Variants in SLC9A4 observed in about 807,000 individuals in gnomAD.
The protein encoded by SLC9A4 is solute carrier family 9 member A4, also known as sodium/hydrogen exchanger 4.
In SLC9A4, 63 loss-of-function variants were observed where a neutral mutation model predicts 67.4. The ratio of observed to expected loss-of-function variants is 0.93; its 90% CI spans 0.76 to 1.15. The LOEUF is 1.15. SLC9A4 is among the 50% of genes most tolerant of loss of function. The pLI, the probability that SLC9A4 is intolerant of heterozygous loss-of-function variation, is 0.00. For synonymous variants in SLC9A4, 393 were observed against 367.2 expected (o/e 1.07, Z -0.80); for missense variants, 1,089 against 987.7 (o/e 1.10, Z -1.38).
chr2:102,497,624 T>C (rs1030117964), intron 2 of SLC9A4, among the ~76,000 whole-genome samples: 1 of 152,196 alleles, frequency 6.6e-6, no homozygotes, highest in African/African-American at 2.4e-5. Flanking sequence ...AAAATGCAAA[T>C]TAATCTATTG....
At chr2:102,497,338 C>A (rs751560920) in intron 2 of SLC9A4, among the ~76,000 whole-genome samples, 7 of 152,108 alleles carry the variant, frequency 4.6e-5, no homozygotes, top group African/African-American at 1.4e-4. Context: ...AGAGAAATGA[C>A]AACATAGGTC....
intron 2 of SLC9A4, among the ~76,000 whole-genome samples, chr2:102,484,504 C>T (rs944690552): frequency 5.9e-5 from 9 of 152,190 alleles, no homozygotes; most frequent in African/African-American, 1.7e-4. Context: ...CAGCTCTTAG[C>T]AGAGTGAATG....
Position 102,533,490 on chromosome 2 carries a change from T to C in SLC9A4, c.*802T>C, listed in dbSNP as rs981557691. ...GGGTATAAAACTATTTTTCTTTTAT[T>C]ATTATTATTATTATTATTATACTTT... On this transcript the variant is annotated 3_prime_UTR_variant, in exon 12 of 12. Coordinates refer to ENST00000295269, the MANE Select transcript of SLC9A4 (RefSeq NM_001011552.4). 73 of 148,834 alleles carry C rather than the reference T, an allele frequency of 4.9e-4. 1 individual carries two copies. The highest frequency in any genetic ancestry group is 1.8e-3 in the African/African-American group (69 of 38,636). The allele number at this position is 148,834 out of a possible 1,614,324, so 9.2% of individuals were successfully genotyped here.
At chr2:102,514,983 A>G (rs1214382085) in intron 8 of SLC9A4, among the ~76,000 whole-genome samples, 1 of 152,274 alleles carries the variant, frequency 6.6e-6, no homozygotes, top group African/African-American at 2.4e-5. Context: ...AGCTGGCTAA[A>G]TACTTCTTAA....
In SLC9A4 at chr2:102,532,376, A is replaced by G. The variant is rs775336512; in HGVS notation, c.2085A>G (p.Ala695=). The G allele has an allele frequency of 2.5e-6, 4 of 1,614,190 alleles. No individual in the cohort carries two copies. The East Asian group carries it at 6.7e-5, about 27-fold the overall frequency. Residue 695 remains alanine (A), a synonymous_variant, in exon 12 of 12, where the codon GCA becomes GCG. Coordinates refer to ENST00000295269, the MANE Select transcript of SLC9A4 (RefSeq NM_001011552.4). ...GATCCCCATCCATCACGTTCAGCGC[A>G]TGCTCTCGGATAGGGTCACTTCAGA... ...DPGSPSITFS[A]CSRIGSLQKQ...
At chr2:102,479,850 G>T (rs184063012) in intron 2 of SLC9A4, among the ~76,000 whole-genome samples, 2 of 152,112 alleles carry the variant, frequency 1.3e-5, no homozygotes, top group African/African-American at 4.8e-5. Flanking sequence ...TGAATGAGGC[G>T]TTTTTGCTTA....
chr2:102,526,440 A>T, intron 11 of SLC9A4, 94 bp downstream of exon 11: 1 of 1,116,936 alleles, frequency 9.0e-7, no homozygotes, highest in East Asian at 2.5e-5. Context: ...TAAGAACATT[A>T]TGTAGGTTAC....
intron 11 of SLC9A4, among the ~76,000 whole-genome samples, chr2:102,527,153 C>T (rs1045420049): frequency 6.6e-6 from 1 of 152,156 alleles, no homozygotes; most frequent in Non-Finnish European, 1.5e-5. Context: ...AAGTTAAAAG[C>T]ATTTGCAACC....
At chr2:102,488,344 A>G (rs948486652) in intron 2 of SLC9A4, among the ~76,000 whole-genome samples, 1 of 152,122 alleles carries the variant, frequency 6.6e-6, no homozygotes, top group Non-Finnish European at 1.5e-5. Context: ...GGTTGCATAA[A>G]TGGATGACAT....
chr2:102,529,706 T>C (rs1674739201), intron 11 of SLC9A4, among the ~76,000 whole-genome samples: 1 of 152,202 alleles, frequency 6.6e-6, no homozygotes, highest in African/African-American at 2.4e-5. Context: ...GGGGAGACAG[T>C]GGAGAGTCAT....
In SLC9A4 at chr2:102,519,486, G is replaced by A. The variant is rs549235097; in HGVS notation, c.1722-373G>A. ...TCATTTTTTTTCTGTTGCATTTAAC[G>A]GTAAAATATTTGGATTGCATGGTAT... is the stretch of plus-strand genomic sequence containing the variant. On this transcript the variant is annotated intron_variant, in intron 8 of 11. Coordinates refer to ENST00000295269, the MANE Select transcript of SLC9A4 (RefSeq NM_001011552.4). Among the ~76,000 whole-genome samples the A allele has an allele frequency of 1.8e-4, 28 of 152,098 alleles. No individual in the cohort carries two copies. In the South Asian group the frequency reaches 2.3e-3, roughly 12 times the overall value.
At chr2:102,482,538 T>C (rs1684487826) in intron 2 of SLC9A4, among the ~76,000 whole-genome samples, 1 of 152,146 alleles carries the variant, frequency 6.6e-6, no homozygotes, top group Non-Finnish European at 1.5e-5. Context: ...TGAGTAAGTG[T>C]CGTTGTCTGG....
At chr2:102,510,742 T>C (rs999261007) in intron 6 of SLC9A4, among the ~76,000 whole-genome samples, 2 of 152,214 alleles carry the variant, frequency 1.3e-5, no homozygotes, top group Non-Finnish European at 2.9e-5. Context: ...CCTTTTTGAA[T>C]ATAGGAGGGG....
intron 2 of SLC9A4, among the ~76,000 whole-genome samples, chr2:102,493,431 G>A (rs1307820671): frequency 6.6e-6 from 1 of 151,908 alleles, no homozygotes; most frequent in African/African-American, 2.4e-5. Flanking sequence ...AGAAGGCAAA[G>A]GAGGAACAAA....
In SLC9A4 at chr2:102,479,269, T is replaced by G. The variant is rs1558658594; in HGVS notation, c.687T>G (p.Phe229Leu). 1 of 1,613,138 alleles carries G rather than the reference T, an allele frequency of 6.2e-7. No individual in the cohort carries two copies. The highest frequency in any genetic ancestry group is 1.7e-5 in the Admixed American group (1 of 60,010). Residue 229 changes from phenylalanine to leucine, a missense_variant, in exon 2 of 12, where the codon TTT becomes TTG. Coordinates refer to ENST00000295269, the MANE Select transcript of SLC9A4 (RefSeq NM_001011552.4). ...RVNEQLYMMIFGEALLNDGIT... is the reference protein window; with the variant it reads ...RVNEQLYMMILGEALLNDGIT... ...ACGAGCAGCTCTACATGATGATCTT[T>G]GGGGAGGCCCTGCTCAATGATGGCA...
intron 2 of SLC9A4, among the ~76,000 whole-genome samples, chr2:102,486,855 A>ACCATCTG (rs1684599588): frequency 6.6e-6 from 1 of 152,210 alleles, no homozygotes; most frequent in Non-Finnish European, 1.5e-5. Context: ...CACAAGAACA[A>ACCATCTG]CCATCTGCCA....
At chr2:102,484,936 A>T (rs547663984) in intron 2 of SLC9A4, among the ~76,000 whole-genome samples, 104 of 152,174 alleles carry the variant, frequency 6.8e-4, no homozygotes, top group African/African-American at 2.5e-3. Flanking sequence ...CTGGCTCTGG[A>T]TGCCATTCTC....
chr2:102,482,591 G>GTGTC (rs1296568421), intron 2 of SLC9A4, among the ~76,000 whole-genome samples: 1 of 152,102 alleles, frequency 6.6e-6, no homozygotes, highest in African/African-American at 2.4e-5. Context: ...GACCCATGAT[G>GTGTC]TGTCCATTTC....
At chr2:102,475,938 A>G (rs984868728) in intron 1 of SLC9A4, among the ~76,000 whole-genome samples, 4 of 152,242 alleles carry the variant, frequency 2.6e-5, no homozygotes, top group Non-Finnish European at 4.4e-5. Context: ...AATAAAATTA[A>G]TAATCATTAT....
Sources: allele counts gnomAD v4.1 joint callset (sites outside exome capture counted in the v4.1 genomes callset), GRCh38; gene constraint gnomAD v4.1.1; transcripts MANE v1.5; gene names NCBI Gene and HGNC (gene_info 2026-07-23, HGNC 2026-07-21).